Variants in CADM2 observed in about 807,000 individuals in gnomAD.
The protein encoded by CADM2 is immunoglobulin superfamily member 4D.
CADM2 carries 12 observed loss-of-function variants against 49.8 expected under a neutral mutation model. That is an observed-to-expected ratio of 0.24 (90% CI 0.15 to 0.39). The LOEUF (loss-of-function observed/expected upper bound fraction) is 0.39, where lower values mean the gene tolerates loss of function less well. CADM2 is among the 10% of genes least tolerant of loss of function. The pLI, the probability that CADM2 is intolerant of heterozygous loss-of-function variation, is 1.00. For synonymous variants in CADM2, 214 were observed against 175.4 expected, an observed-to-expected ratio of 1.22 and a Z score of -1.74; for missense variants, 378 against 492.3, an observed-to-expected ratio of 0.77 and a Z score of 2.20.
intron 1 of CADM2, among the ~76,000 whole-genome samples, chr3:85,096,536 GT>G (rs1559658838): frequency 1.3e-5 from 2 of 151,940 alleles, no homozygotes; most frequent in African/African-American, 4.8e-5. Flanking sequence ...ATAAGTTTGG[GT>G]TGAAAGTTAA....
At chr3:85,481,837 C>G (rs535443616) in intron 1 of CADM2, among the ~76,000 whole-genome samples, 23 of 149,024 alleles carry the variant, frequency 1.5e-4, no homozygotes, top group African/African-American at 5.7e-4. Flanking sequence ...CTTTCTTACT[C>G]TTAAAATATA....
At chr3:85,305,921 T>G (rs1017734202) in intron 1 of CADM2, among the ~76,000 whole-genome samples, 1 of 151,646 alleles carries the variant, frequency 6.6e-6, no homozygotes, top group Non-Finnish European at 1.5e-5. Flanking sequence ...AATAAACTTG[T>G]CTAGCAGGAT....
chr3:85,544,388 C>T (rs868429480), intron 1 of CADM2, among the ~76,000 whole-genome samples: 8 of 152,100 alleles, frequency 5.3e-5, no homozygotes, highest in African/African-American at 1.9e-4. Flanking sequence ...ACCATCCTGG[C>T]TAACACGGTG....
chr3:85,475,615 T>G (rs189937488), intron 1 of CADM2, among the ~76,000 whole-genome samples: 3 of 152,054 alleles, frequency 2.0e-5, no homozygotes, highest in African/African-American at 4.8e-5. Flanking sequence ...TCATTAATCT[T>G]ATATAACAAA....
intron 3 of CADM2, among the ~76,000 whole-genome samples, chr3:85,824,844 GA>G (rs958937261): frequency 1.3e-5 from 2 of 151,996 alleles, no homozygotes; most frequent in African/African-American, 4.8e-5. Context: ...AGGCAGCTGT[GA>G]AAAAACTAAA....
At chr3:85,616,626 G>A (rs905075568) in intron 1 of CADM2, among the ~76,000 whole-genome samples, 1 of 152,076 alleles carries the variant, frequency 6.6e-6, no homozygotes, top group Non-Finnish European at 1.5e-5. Context: ...CCAAAACCCA[G>A]TGGATATTCC....
At position 85,336,376 on chromosome 3, in the gene CADM2, T is replaced by C. The variant is rs187777074; in HGVS notation, c.61+376708T>C. Among the ~76,000 whole-genome samples, 10 of 151,698 alleles carry C rather than the reference T, an allele frequency of 6.6e-5. No individual in the cohort carries two copies. The East Asian group carries it at 1.9e-3, about 29-fold the overall frequency. Reference sequence around the variant, plus strand: ...TGTTATAGGCCAGTTAAATTATAATTAGCAATTTTAAAATCAACAAGAATA... The same window carrying C: ...TGTTATAGGCCAGTTAAATTATAATCAGCAATTTTAAAATCAACAAGAATA... On this transcript the variant is annotated intron_variant, in intron 1 of 9. Coordinates refer to ENST00000383699, the MANE Select transcript of CADM2 (RefSeq NM_001167675.2).
At chr3:85,305,275 A>C (rs2044186398) in intron 1 of CADM2, among the ~76,000 whole-genome samples, 1 of 151,626 alleles carries the variant, frequency 6.6e-6, no homozygotes, top group South Asian at 2.1e-4. Flanking sequence ...GCTTAGCTAT[A>C]TTTGGAATTC....
intron 1 of CADM2, among the ~76,000 whole-genome samples, chr3:84,960,669 T>G (rs572432000): frequency 2.0e-5 from 3 of 152,318 alleles, no homozygotes; most frequent in African/African-American, 7.2e-5. Context: ...CACAAAACGC[T>G]GTTATTATGC....
chr3:85,268,719 G>T (rs1217888884), intron 1 of CADM2, among the ~76,000 whole-genome samples: 1 of 151,356 alleles, frequency 6.6e-6, no homozygotes, highest in African/African-American at 2.4e-5. Flanking sequence ...AATGCATTCA[G>T]ATTTATGACT....
chr3:85,280,190 A>AC (rs1160830849), intron 1 of CADM2, among the ~76,000 whole-genome samples: 1 of 151,688 alleles, frequency 6.6e-6, no homozygotes, highest in Non-Finnish European at 1.5e-5. Flanking sequence ...CTTCACATGT[A>AC]CTTTGTTATT....
chr3:85,797,158 T>C (rs1180043628), intron 2 of CADM2, among the ~76,000 whole-genome samples: 1 of 152,006 alleles, frequency 6.6e-6, no homozygotes, highest in East Asian at 1.9e-4. Flanking sequence ...TGCCCAGTTT[T>C]AGGAAAATCT....
chr3:86,045,623 A>G (rs570723794), intron 8 of CADM2, among the ~76,000 whole-genome samples: 1 of 152,278 alleles, frequency 6.6e-6, no homozygotes, highest in African/African-American at 2.4e-5. Context: ...CTATCAGAAA[A>G]TAAACATTTT....
intron 1 of CADM2, among the ~76,000 whole-genome samples, chr3:85,632,482 A>G (rs893451998): frequency 6.6e-6 from 1 of 152,154 alleles, no homozygotes; most frequent in African/African-American, 2.4e-5. Flanking sequence ...GTGACCAGAT[A>G]ATTTAGGGAA....
At position 85,332,847 on chromosome 3, in the gene CADM2, T is replaced by A. The variant is rs183472951; in HGVS notation, c.61+373179T>A. ...AAAATCTGTGAACAAGGCTTTTTTTTATTCCCATTGCTTAAGAAAATGGTG... is the reference window on the plus strand; with the variant it reads ...AAAATCTGTGAACAAGGCTTTTTTTAATTCCCATTGCTTAAGAAAATGGTG... On this transcript the variant is annotated intron_variant, in intron 1 of 9. Coordinates refer to ENST00000383699, the MANE Select transcript of CADM2 (RefSeq NM_001167675.2). Among the ~76,000 whole-genome samples the A allele has an allele frequency of 9.2e-5, 14 of 151,800 alleles. No homozygotes were observed. The East Asian group carries it at 1.9e-3, about 21-fold the overall frequency.
At chr3:85,540,589 C>T (rs1001733751) in intron 1 of CADM2, among the ~76,000 whole-genome samples, 1 of 152,096 alleles carries the variant, frequency 6.6e-6, no homozygotes, top group African/African-American at 2.4e-5. Context: ...TCAGAGTCCT[C>T]CTCTGTACTC....
At chr3:85,156,885 G>C (rs1005946086) in intron 1 of CADM2, among the ~76,000 whole-genome samples, 2 of 152,164 alleles carry the variant, frequency 1.3e-5, no homozygotes, top group African/African-American at 4.8e-5. Flanking sequence ...TTTAGGAAAA[G>C]AGGAAGTCAA....
intron 1 of CADM2, among the ~76,000 whole-genome samples, chr3:85,356,481 A>G (rs138999568): frequency 1.3e-5 from 2 of 152,168 alleles, no homozygotes; most frequent in African/African-American, 2.4e-5. Context: ...AGGCCTGTGA[A>G]GGACTCTGGT....
intron 3 of CADM2, among the ~76,000 whole-genome samples, chr3:85,854,193 A>G (rs2075216947): frequency 6.6e-6 from 1 of 152,204 alleles, no homozygotes; most frequent in Non-Finnish European, 1.5e-5. Flanking sequence ...GAATTCTTTC[A>G]CTGTATTCCA....
Sources: allele counts gnomAD v4.1 joint callset (sites outside exome capture counted in the v4.1 genomes callset), GRCh38; gene constraint gnomAD v4.1.1; transcripts MANE v1.5; gene names NCBI Gene and HGNC (gene_info 2026-07-23, HGNC 2026-07-21).